The following HIPK2 variants were observed in gnomAD, a reference collection of about 807,000 sequenced individuals.
HIPK2 encodes homeodomain interacting protein kinase 2, also known as homeodomain-interacting protein kinase 2.
In HIPK2, 27 loss-of-function variants were observed where a neutral mutation model predicts 113.7. That is an observed-to-expected ratio of 0.24 (90% confidence interval 0.17 to 0.33). The LOEUF (loss-of-function observed/expected upper bound fraction) is 0.33, where lower values mean the gene tolerates loss of function less well. Among genes scored for constraint, HIPK2 ranks in the 10% least tolerant of loss-of-function variants. The pLI is 1.00. For synonymous variants in HIPK2, 631 were observed against 642.2 expected (o/e 0.98, Z 0.26); for missense variants, 1,257 against 1,588.0 (o/e 0.79, Z 3.54).
intron 1 of HIPK2, among the ~76,000 whole-genome samples, chr7:139,727,237 G>A (rs1474700440): frequency 6.6e-6 from 1 of 152,176 alleles, no homozygotes; most frequent in African/African-American, 2.4e-5. Context: ...AAACATCAAG[G>A]ATGAAATGAT....
chr7:139,631,279 C>T lies in HIPK2; in HGVS notation c.1233G>A (p.Arg411=). The change falls in exon 4 of 15, where the codon CGG becomes CGA. Residue 411 remains arginine (R), a synonymous_variant. Transcript: ENST00000406875. This position sits in a 1 kb window ranked among gnomAD's most constrained non-coding sequence, Gnocchi z 4.9. ...GCAAACCCTGTGTTTGTGAAATATA[C>T]CGAATCTGCAAGAAAAGATAAGAAT... ...YPGASEYDQI[R]YISQTQGLPA... is the part of the protein sequence containing the mutation. 6.2e-7 allele frequency: 1 copy of T among 1,611,530 alleles called. No individual in the cohort carries two copies. The highest frequency in any genetic ancestry group is 1.1e-5 in the South Asian group (1 of 90,350).
chr7:139,614,341 A>G lies in HIPK2; in HGVS notation c.1935T>C (p.Cys645=). The change falls in exon 8 of 15, where the codon TGT becomes TGC. Residue 645 remains cysteine, a synonymous_variant. Transcript: ENST00000406875. ...CTTGCTGGAACGGGTCAGGCCGGGC[A>G]CAAATCTGGGCTGTTCCTGTCTGCA... ...MPLQTGTAQI[C]ARPDPFQQAL... The G allele has an allele frequency of 6.3e-7, 1 of 1,577,170 alleles. No individual in the cohort carries two copies. The highest frequency in any genetic ancestry group is 1.7e-5 in the Admixed American group (1 of 57,202).
intron 1 of HIPK2, among the ~76,000 whole-genome samples, chr7:139,723,641 C>T (rs1028909509): frequency 2.6e-5 from 4 of 152,178 alleles, no homozygotes; most frequent in African/African-American, 9.7e-5. Flanking sequence ...AGTAACATTT[C>T]CTTTCCATTT....
At chr7:139,586,653 C>G (rs1184160362) in intron 12 of HIPK2, among the ~76,000 whole-genome samples, 3 of 151,302 alleles carry the variant, frequency 2.0e-5, no homozygotes, top group African/African-American at 7.3e-5. Context: ...GCCTGTAGTC[C>G]CAGCTGTTTG....
chr7:139,625,252 C>T (rs1176776951), intron 6 of HIPK2, among the ~76,000 whole-genome samples: 1 of 152,182 alleles, frequency 6.6e-6, no homozygotes, highest in Non-Finnish European at 1.5e-5. Context: ...TATTTCTTCA[C>T]CTCTCACTTG....
intron 2 of HIPK2, among the ~76,000 whole-genome samples, chr7:139,696,095 G>A (rs1794559071): frequency 6.6e-6 from 1 of 152,328 alleles, no homozygotes; most frequent in Admixed American, 6.5e-5. Context: ...AAGGCAAAGA[G>A]AATGTACCCA....
At chr7:139,706,440 T>C (rs1265201498) in intron 2 of HIPK2, among the ~76,000 whole-genome samples, 1 of 152,136 alleles carries the variant, frequency 6.6e-6, no homozygotes, top group Non-Finnish European at 1.5e-5. Flanking sequence ...TGAGCTGAGC[T>C]ACAAGGCATG....
Position 139,570,096 on chromosome 7 carries a change from C to G in HIPK2, c.*2831G>C, listed in dbSNP as rs533038783. 1 of 152,218 alleles carries G rather than the reference C, an allele frequency of 6.6e-6. No individual in the cohort carries two copies. Among genetic ancestry groups the G allele is most frequent in the African/African-American group, 2.4e-5 (1 of 41,522 alleles). The allele number at this position is 152,218 out of a possible 1,614,324, so 9.4% of individuals were successfully genotyped here. ...TAAGCTGTCTTTCCCCCTAAAAGAT[C>G]AGATCTAGAAAGGGCTGGAAATGAA... On this transcript the variant is annotated 3_prime_UTR_variant, in exon 15 of 15. Transcript: ENST00000406875.
At chr7:139,694,460 G>C (rs1794508253) in intron 2 of HIPK2, among the ~76,000 whole-genome samples, 1 of 152,094 alleles carries the variant, frequency 6.6e-6, no homozygotes, top group Admixed American at 6.5e-5. Context: ...CAGGACCAAA[G>C]GCACGGGGCA....
chr7:139,732,819 A>ATGTGTG (rs71170913), intron 1 of HIPK2, among the ~76,000 whole-genome samples: 2,781 of 144,962 alleles, frequency 0.019, 93 homozygotes, highest in African/African-American at 0.066. Flanking sequence ...TTATATATAT[A>ATGTGTG]TGTGTGTGTG....
chr7:139,653,256 C>T (rs917395793), intron 2 of HIPK2, among the ~76,000 whole-genome samples: 3 of 151,950 alleles, frequency 2.0e-5, no homozygotes, highest in Non-Finnish European at 2.9e-5. Flanking sequence ...CTGTCATCCT[C>T]GATGCTAACT....
chr7:139,600,186 T>C (rs979602601), intron 11 of HIPK2, among the ~76,000 whole-genome samples: 10 of 152,052 alleles, frequency 6.6e-5, no homozygotes, highest in African/African-American at 2.2e-4. Flanking sequence ...CAAGATTCCA[T>C]TGCATCCATC....
chr7:139,668,848 A>C (rs1023784846), intron 2 of HIPK2, among the ~76,000 whole-genome samples: 3 of 152,220 alleles, frequency 2.0e-5, no homozygotes, highest in Admixed American at 6.5e-5. Flanking sequence ...AATGGTTAAA[A>C]ATGGTGAAGT....
intron 2 of HIPK2, among the ~76,000 whole-genome samples, chr7:139,702,777 A>G (rs1794749847): frequency 1.3e-5 from 2 of 152,196 alleles, no homozygotes; most frequent in African/African-American, 4.8e-5. Context: ...AACCCCACTC[A>G]GCCTTCATCT....
At chr7:139,696,402 C>G (rs1794568044) in intron 2 of HIPK2, among the ~76,000 whole-genome samples, 1 of 151,838 alleles carries the variant, frequency 6.6e-6, no homozygotes, top group Admixed American at 6.6e-5. Flanking sequence ...GTGAGACCCC[C>G]CGCCACCAAT....
chr7:139,715,459 G>T (rs549067759), intron 2 of HIPK2, among the ~76,000 whole-genome samples: 2 of 152,208 alleles, frequency 1.3e-5, no homozygotes, highest in Non-Finnish European at 2.9e-5. Context: ...GGATACAGTT[G>T]CAATTCCTTG....
chr7:139,576,101 G>A (rs930889663), intron 13 of HIPK2, among the ~76,000 whole-genome samples: 1 of 152,254 alleles, frequency 6.6e-6, no homozygotes, highest in Non-Finnish European at 1.5e-5. Flanking sequence ...AGTGTCTGTG[G>A]TGGGACCTAA....
intron 1 of HIPK2, among the ~76,000 whole-genome samples, chr7:139,734,647 G>A (rs1313311476): frequency 9.2e-5 from 14 of 152,182 alleles, no homozygotes; most frequent in Admixed American, 9.2e-4. Flanking sequence ...AAGCTCACAA[G>A]CCTGGGAAGG....
Position 139,566,949 on chromosome 7 carries a change from C to T in HIPK2, c.*5978G>A, listed in dbSNP as rs535443939. 1.3e-5 allele frequency: 2 copies of T among 152,206 alleles called. No homozygotes were observed. The highest frequency in any genetic ancestry group is 2.9e-5 in the Non-Finnish European group (2 of 68,056). 9.4% of individuals were successfully genotyped at this position (152,206 alleles called of 1,614,324 possible). On this transcript the variant is annotated 3_prime_UTR_variant, in exon 15 of 15. Transcript: ENST00000406875. The surrounding 1 kb of genome is among the most constrained non-coding windows in gnomAD (Gnocchi z 4.1). Reference sequence around the variant, plus strand: ...CAGGGGGCACTTCTCTGCAAACTCTCACTGGGTTTGAGGGAAGAACGGCCT... The same window carrying T: ...CAGGGGGCACTTCTCTGCAAACTCTTACTGGGTTTGAGGGAAGAACGGCCT...
Sources: gnomAD v4.1 joint callset for allele counts (sites outside exome capture counted in the v4.1 genomes callset) on GRCh38, gnomAD v4.1.1 for gene constraint, Gnocchi (gnomAD v3.1) non-coding constraint, MANE v1.5 for transcripts, NCBI Gene and HGNC (gene_info 2026-07-23, HGNC 2026-07-21) for gene names.